The following PDE4D variants were observed in gnomAD, a reference collection of about 807,000 sequenced individuals.
PDE4D encodes the protein 3',5'-cyclic-AMP phosphodiesterase 4D.
PDE4D carries 24 observed loss-of-function variants against 87.4 expected under a neutral mutation model. The ratio of observed to expected loss-of-function variants is 0.27; its 90% CI spans 0.20 to 0.39. The LOEUF (loss-of-function observed/expected upper bound fraction) is 0.39. Ranked by LOEUF, PDE4D falls within the 10% of genes least tolerant of loss-of-function variation. PDE4D has a pLI of 1.00. For missense variants in PDE4D, 714 were observed against 1,041.0 expected, an observed-to-expected ratio of 0.69 and a Z score of 4.32; for synonymous variants, 384 against 383.2, an observed-to-expected ratio of 1.00 and a Z score of -0.02.
intron 1 of PDE4D, among the ~76,000 whole-genome samples, chr5:59,555,838 T>G (rs1818813584): frequency 6.6e-6 from 1 of 152,138 alleles, no homozygotes; most frequent in African/African-American, 2.4e-5. Flanking sequence ...TCACTTCTCC[T>G]ACAAAAGGAC....
At chr5:59,071,838 T>G (rs1254738464) in intron 5 of PDE4D, among the ~76,000 whole-genome samples, 1 of 151,538 alleles carries the variant, frequency 6.6e-6, no homozygotes, top group East Asian at 1.9e-4. Flanking sequence ...AGTTGCCTAC[T>G]ACCACGCCCA....
At chr5:60,147,679 C>A (rs1781128187) in intron 2 of PDE4D, 1 of 430,888 alleles carries the variant, frequency 2.3e-6, no homozygotes, top group Non-Finnish European at 4.6e-6. Flanking sequence ...TGCAGTCAAG[C>A]CGCCAGCTGA....
At position 59,468,349 on chromosome 5, in the gene PDE4D, G is replaced by A. The variant is rs1801908657; in HGVS notation, c.456-252381C>T. 2.0e-5 allele frequency among the ~76,000 whole-genome samples: 3 copies of A among 151,908 alleles called. No homozygotes were observed. The South Asian group carries it at 6.2e-4, about 32-fold the overall frequency. ...TGTTCACATTATTTTTTATCTTTTG[G>A]ATTTTGCTTTCAAAAGCCATTTGTT... On this transcript the variant is annotated intron_variant, in intron 1 of 14. Coordinates refer to ENST00000340635, the MANE Select transcript of PDE4D (RefSeq NM_001104631.2).
chr5:60,140,560 AAAAAG>A (rs915438662), intron 2 of PDE4D, among the ~76,000 whole-genome samples: 27 of 152,188 alleles, frequency 1.8e-4, no homozygotes, highest in African/African-American at 6.3e-4. Flanking sequence ...AGAAAAAAAA[AAAAAG>A]AAAGAAATTG....
At chr5:59,832,226 G>A (rs1010544262) in intron 1 of PDE4D, among the ~76,000 whole-genome samples, 1 of 152,002 alleles carries the variant, frequency 6.6e-6, no homozygotes, top group African/African-American at 2.4e-5. Flanking sequence ...AACTTGCATA[G>A]ACTCAAAGTA....
chr5:59,708,802 C>G (rs942307344), intron 1 of PDE4D, among the ~76,000 whole-genome samples: 1 of 151,928 alleles, frequency 6.6e-6, no homozygotes, highest in African/African-American at 2.4e-5. Context: ...AGAGGTATTA[C>G]CTAAGCTTTA....
chr5:59,480,968 T>G (rs894017910), intron 1 of PDE4D, among the ~76,000 whole-genome samples: 5 of 152,158 alleles, frequency 3.3e-5, no homozygotes, highest in Admixed American at 3.3e-4. Context: ...GGCAGTGTCA[T>G]GCACATGAAC....
chr5:60,460,617 C>T lies in PDE4D; in HGVS notation c.-90+27325G>A, dbSNP rs1341846899. 58 of 1,250,090 alleles carry T rather than the reference C, an allele frequency of 4.6e-5. 1 individual carries two copies. The South Asian group carries it at 6.5e-4, about 14-fold the overall frequency. 77.4% of individuals were successfully genotyped at this position (1,250,090 alleles called of 1,614,324 possible). A position where few individuals can be genotyped will look rare whatever the true frequency, so the allele number is the denominator to read the frequency against. ...CATCAATGCATTCAATTGCTTCTTG[C>T]TGTTCTTTTTCTCCCTTCCTCAGCA... On this transcript the variant is annotated intron_variant, in intron 1 of 16. Coordinates refer to the PDE4D transcript ENST00000502484.
At chr5:59,606,694 G>A (rs910628973) in intron 1 of PDE4D, among the ~76,000 whole-genome samples, 7 of 152,046 alleles carry the variant, frequency 4.6e-5, no homozygotes, top group African/African-American at 4.8e-5. Context: ...CATAACCTTC[G>A]TAAGTAGTAA....
intron 1 of PDE4D, among the ~76,000 whole-genome samples, chr5:59,671,141 T>C (rs1327319162): frequency 6.6e-6 from 1 of 152,180 alleles, no homozygotes; most frequent in Non-Finnish European, 1.5e-5. Context: ...TCTATCCTGG[T>C]TCATGTCCTG....
At chr5:59,587,566 C>T in intron 1 of PDE4D, 1 of 985,400 alleles carries the variant, frequency 1.0e-6, no homozygotes, top group Non-Finnish European at 1.2e-6. Context: ...TGGGCTGTGC[C>T]GCCCCAGCTC....
intron 2 of PDE4D, among the ~76,000 whole-genome samples, chr5:60,094,887 C>T (rs767710864): frequency 3.9e-4 from 59 of 151,976 alleles, no homozygotes; most frequent in African/African-American, 1.1e-3. Context: ...TTTACTTTTC[C>T]GTACATTAAT....
chr5:60,420,095 G>A (rs950109819), intron 1 of PDE4D, among the ~76,000 whole-genome samples: 1 of 152,204 alleles, frequency 6.6e-6, no homozygotes, highest in Non-Finnish European at 1.5e-5. Flanking sequence ...ATCAGGTTGA[G>A]AGAACAGAAA....
intron 2 of PDE4D, among the ~76,000 whole-genome samples, chr5:60,033,458 A>G (rs1404956032): frequency 1.3e-5 from 2 of 152,192 alleles, no homozygotes; most frequent in Non-Finnish European, 2.9e-5. Flanking sequence ...AGGAATTCAA[A>G]AAATGTTTTA....
At chr5:59,077,750 G>T (rs1446904446) in intron 5 of PDE4D, among the ~76,000 whole-genome samples, 2 of 151,968 alleles carry the variant, frequency 1.3e-5, no homozygotes, top group Non-Finnish European at 2.9e-5. Context: ...CTGCTGCAAG[G>T]ATACACACCT....
chr5:60,238,333 T>C (rs917974442), intron 1 of PDE4D, among the ~76,000 whole-genome samples: 1 of 151,998 alleles, frequency 6.6e-6, no homozygotes, highest in African/African-American at 2.4e-5. Context: ...AATTTTATTT[T>C]TGAGTATCAT....
chr5:59,563,434 C>T (rs909972303), intron 1 of PDE4D, among the ~76,000 whole-genome samples: 1 of 152,188 alleles, frequency 6.6e-6, no homozygotes, highest in African/African-American at 2.4e-5. Flanking sequence ...AAAGATATCC[C>T]TAACCAGTCA....
At chr5:60,031,188 G>T (rs1767203477) in intron 2 of PDE4D, among the ~76,000 whole-genome samples, 1 of 152,208 alleles carries the variant, frequency 6.6e-6, no homozygotes, top group Non-Finnish European at 1.5e-5. Flanking sequence ...GGGTAAAGGA[G>T]TAGTGAGGAT....
chr5:60,341,459 A>G (rs1758309708), intron 1 of PDE4D, among the ~76,000 whole-genome samples: 1 of 152,178 alleles, frequency 6.6e-6, no homozygotes, highest in Non-Finnish European at 1.5e-5. Flanking sequence ...TGGTCAGTTC[A>G]TGCTAACCCA....
Sources: allele counts gnomAD v4.1 joint callset (sites outside exome capture counted in the v4.1 genomes callset), GRCh38; gene constraint gnomAD v4.1.1; transcripts MANE v1.5; gene names NCBI Gene and HGNC (gene_info 2026-07-23, HGNC 2026-07-21).